LRRFIP2: variants seen among roughly 807,000 people sequenced by gnomAD.
LRRFIP2 encodes the protein LRR binding FLII interacting protein 2.
In LRRFIP2, 109 loss-of-function variants were observed where a neutral mutation model predicts 125.9. The ratio of observed to expected loss-of-function variants is 0.87; its 90% CI spans 0.74 to 1.01. LRRFIP2 has a LOEUF of 1.01. Ranked by LOEUF, LRRFIP2 falls within the 50% of genes least tolerant of loss-of-function variation. The pLI is 0.00. For missense variants in LRRFIP2, 850 were observed against 862.3 expected (o/e 0.99, Z 0.18); for synonymous variants, 291 against 293.1 (o/e 0.99, Z 0.07).
At chr3:37,106,860 A>G (rs752098975) in intron 13 of LRRFIP2, among the ~76,000 whole-genome samples, 2 of 152,154 alleles carry the variant, frequency 1.3e-5, no homozygotes, top group African/African-American at 2.4e-5. Flanking sequence ...AAGTGTCTAT[A>G]GTAGCAAAAA....
intron 19 of LRRFIP2, 128 bp downstream of exon 19, chr3:37,083,508 A>C: frequency 1.7e-6 from 1 of 590,056 alleles, no homozygotes; most frequent in East Asian, 3.3e-5. Flanking sequence ...GTGTTCTGTC[A>C]ATTTCCTTGG....
At chr3:37,075,364 A>C (rs2091881712) in intron 19 of LRRFIP2, among the ~76,000 whole-genome samples, 1 of 152,244 alleles carries the variant, frequency 6.6e-6, no homozygotes, top group South Asian at 2.1e-4. Context: ...ATAATTTAGT[A>C]AAGTAACAGG....
chr3:37,066,225 T>G lies in LRRFIP2; in HGVS notation c.1565A>C (p.Glu522Ala). Residue 522 changes from glutamate to alanine, a missense_variant and splice_region_variant, in exon 22 of 28, where the codon GAG becomes GCG. Transcript: ENST00000336686. ...AATTCCAGGCTAATGCTAACATACCTCTCCCGTCTTCACTGTCTCCTGCAG... is the reference window on the plus strand; with the variant it reads ...AATTCCAGGCTAATGCTAACATACCGCTCCCGTCTTCACTGTCTCCTGCAG... ...ADLQETVKTG[E>A]KHGLVIIPDG... The G allele has an allele frequency of 6.2e-7, 1 of 1,613,152 alleles. No individual in the cohort carries two copies. Among genetic ancestry groups the G allele is most frequent in the Non-Finnish European group, 8.5e-7 (1 of 1,179,194 alleles).
chr3:37,064,360 G>C (rs190750564), intron 23 of LRRFIP2: 1 of 152,912 alleles, frequency 6.5e-6, no homozygotes, highest in African/African-American at 2.4e-5. Context: ...GGGAGGCCTA[G>C]GTGGGTGGAT....
intron 1 of LRRFIP2, chr3:37,170,858 GA>G (rs1448477961): frequency 6.6e-6 from 1 of 152,190 alleles, no homozygotes; most frequent in East Asian, 1.9e-4. Context: ...TGAACGATGT[GA>G]GCCCAGGAGT....
chr3:37,100,426 A>G (rs1020122600), intron 15 of LRRFIP2, among the ~76,000 whole-genome samples: 3 of 133,178 alleles, frequency 2.3e-5, no homozygotes, highest in Non-Finnish European at 5.3e-5. Context: ...ATACATACAT[A>G]TATGTATACA....
At chr3:37,083,260 C>G (rs1431051957) in intron 19 of LRRFIP2, among the ~76,000 whole-genome samples, 1 of 151,972 alleles carries the variant, frequency 6.6e-6, no homozygotes, top group Non-Finnish European at 1.5e-5. Flanking sequence ...TTCAGAAGTT[C>G]ATAGAAAAAA....
chr3:37,102,650 C>G (rs2094125946), intron 15 of LRRFIP2, among the ~76,000 whole-genome samples: 1 of 151,608 alleles, frequency 6.6e-6, no homozygotes, highest in Non-Finnish European at 1.5e-5. Flanking sequence ...AGGTGTGCGC[C>G]CCCACACCCA....
chr3:37,114,775 A>G (rs2094703496), intron 7 of LRRFIP2, among the ~76,000 whole-genome samples: 3 of 151,442 alleles, frequency 2.0e-5, no homozygotes, highest in Non-Finnish European at 4.4e-5. Flanking sequence ...GTTGACAGAG[A>G]GGGACCCCAT....
chr3:37,163,723 T>C (rs1054981470), intron 1 of LRRFIP2, among the ~76,000 whole-genome samples: 3 of 152,262 alleles, frequency 2.0e-5, no homozygotes, highest in Non-Finnish European at 4.4e-5. Context: ...TAGAGCTTTT[T>C]GGTTTTTCAA....
At chr3:37,132,714 G>A (rs937090527) in intron 2 of LRRFIP2, among the ~76,000 whole-genome samples, 8 of 152,132 alleles carry the variant, frequency 5.3e-5, no homozygotes, top group Non-Finnish European at 8.8e-5. Flanking sequence ...CCTAGTAGAC[G>A]AAATATATGC....
At chr3:37,105,985 A>C (rs1021189533) in intron 13 of LRRFIP2, among the ~76,000 whole-genome samples, 13 of 152,172 alleles carry the variant, frequency 8.5e-5, no homozygotes, top group African/African-American at 2.7e-4. Context: ...GAATTGCTGG[A>C]ACCCAGGAGG....
Position 37,137,924 on chromosome 3 carries a change from C to T in LRRFIP2, c.91-8775G>A, listed in dbSNP as rs562659830. On this transcript the variant is annotated intron_variant, in intron 2 of 27. Coordinates refer to ENST00000336686, the MANE Select transcript of LRRFIP2 (RefSeq NM_006309.4). ...ACCTCCTACTTCCTTAACAAATCTT[C>T]CTTTACAATATCCCTTGAATCCATC... 2.0e-5 allele frequency among the ~76,000 whole-genome samples: 3 copies of T among 152,312 alleles called. No individual in the cohort carries two copies. The South Asian group carries it at 6.2e-4, about 32-fold the overall frequency.
At chr3:37,167,602 C>T (rs1433910131) in intron 1 of LRRFIP2, among the ~76,000 whole-genome samples, 3 of 148,378 alleles carry the variant, frequency 2.0e-5, no homozygotes, top group East Asian at 2.0e-4. Flanking sequence ...TGCAGTGAGC[C>T]GAGATCGCGC....
Position 37,056,675 on chromosome 3 carries a change from G to A in LRRFIP2, c.1871-1510C>T, listed in dbSNP as rs186656711. Among the ~76,000 whole-genome samples, 781 of 150,668 alleles carry A rather than the reference G, an allele frequency of 5.2e-3. 7 individuals carry two copies. Among genetic ancestry groups the A allele is most frequent in the African/African-American group, 0.018 (744 of 41,380 alleles). On this transcript the variant is annotated intron_variant, in intron 25 of 27. Transcript: ENST00000336686. ...TCACCATGTTAGCCAGGATGGTCTC[G>A]ATCTCCTGACCTCGTGATCCACCCA...
chr3:37,130,992 G>A (rs781223015), intron 2 of LRRFIP2, among the ~76,000 whole-genome samples: 7 of 152,216 alleles, frequency 4.6e-5, no homozygotes, highest in African/African-American at 9.7e-5. Flanking sequence ...AACGGCAAAA[G>A]TTACAGCCAC....
intron 15 of LRRFIP2, among the ~76,000 whole-genome samples, chr3:37,098,733 T>A (rs1180701308): frequency 6.6e-6 from 1 of 152,122 alleles, no homozygotes; most frequent in African/African-American, 2.4e-5. Flanking sequence ...ATTATTGCCA[T>A]AAAAAGGAAT....
At chr3:37,157,997 C>T (rs1407462997) in intron 1 of LRRFIP2, among the ~76,000 whole-genome samples, 2 of 152,170 alleles carry the variant, frequency 1.3e-5, no homozygotes, top group African/African-American at 4.8e-5. Context: ...CCATTTCCTC[C>T]CTTCATATAA....
intron 2 of LRRFIP2, among the ~76,000 whole-genome samples, chr3:37,146,723 C>T (rs576116408): frequency 6.6e-6 from 1 of 152,244 alleles, no homozygotes; most frequent in African/African-American, 2.4e-5. Flanking sequence ...CACTGATGGG[C>T]ATTTGAGTTG....
Sources: gnomAD v4.1 joint callset for allele counts (sites outside exome capture counted in the v4.1 genomes callset) on GRCh38, gnomAD v4.1.1 for gene constraint, MANE v1.5 for transcripts, NCBI Gene and HGNC (gene_info 2026-07-23, HGNC 2026-07-21) for gene names.